RGS7: variants seen among roughly 807,000 people sequenced by gnomAD.
The protein encoded by RGS7 is regulator of G-protein signaling 7.
A neutral mutation model predicts 81.1 loss-of-function variants in RGS7; 27 were observed. That is an observed-to-expected ratio of 0.33 (90% CI 0.25 to 0.46). RGS7 has a LOEUF of 0.46. Ranked by LOEUF, RGS7 falls within the 20% of genes least tolerant of loss-of-function variation. The probability of loss-of-function intolerance (pLI) is 1.00; values close to 1 mark genes in which losing one functional copy is unlikely to be tolerated. For missense variants in RGS7, 396 were observed against 607.4 expected, an observed-to-expected ratio of 0.65 and a Z score of 3.66; for synonymous variants, 208 against 207.7, an observed-to-expected ratio of 1.00 and a Z score of -0.01.
At chr1:241,230,267 G>A (rs2075575422) in intron 2 of RGS7, among the ~76,000 whole-genome samples, 1 of 152,166 alleles carries the variant, frequency 6.6e-6, no homozygotes, top group Admixed American at 6.5e-5. Flanking sequence ...AGGCTGAAGT[G>A]CAGTGGTGTG....
At chr1:241,210,396 C>T (rs1021215701) in intron 2 of RGS7, among the ~76,000 whole-genome samples, 7 of 152,172 alleles carry the variant, frequency 4.6e-5, no homozygotes, top group African/African-American at 7.2e-5. Context: ...GATCCACCCA[C>T]CTCGGCCTCC....
At chr1:241,192,207 T>TGTGTGTGTGTGTG (rs2072725912) in intron 2 of RGS7, among the ~76,000 whole-genome samples, 15 of 144,388 alleles carry the variant, frequency 1.0e-4, no homozygotes, top group Admixed American at 1.4e-4. Context: ...TGTGTGTGTG[T>TGTGTGTGTGTGTG]TTTGCTTTGA....
rs910906240 is a variant in RGS7, at chr1:241,092,798, T to C, written c.175+5868A>G. ...ATTTATTCCTTACCTGCCTTCAAAA[T>C]ATGATTTGAAGCAATTTACAATATA... On this transcript the variant is annotated intron_variant, in intron 3 of 18. Transcript: ENST00000440928. 3.3e-5 allele frequency among the ~76,000 whole-genome samples: 5 copies of C among 151,546 alleles called. No homozygotes were observed. The South Asian group carries it at 8.3e-4, about 25-fold the overall frequency.
intron 3 of RGS7, 140 bp downstream of exon 3, chr1:241,098,526 A>T (rs891740407): frequency 1.4e-6 from 1 of 696,734 alleles, no homozygotes; most frequent in Admixed American, 2.2e-5. Flanking sequence ...TCACATGATA[A>T]ATATACCACA....
At chr1:240,816,976 C>T (rs1690907794) in intron 10 of RGS7, among the ~76,000 whole-genome samples, 1 of 152,296 alleles carries the variant, frequency 6.6e-6, no homozygotes. Context: ...CTAGCCTTGC[C>T]ATTGGGTGCC....
intron 3 of RGS7, among the ~76,000 whole-genome samples, chr1:241,055,866 A>G (rs2061453227): frequency 6.6e-6 from 1 of 152,212 alleles, no homozygotes; most frequent in African/African-American, 2.4e-5. Context: ...TTGCATACAA[A>G]AAGACACTTG....
rs199741667 is a variant in RGS7, at chr1:240,806,345, C to T, written c.1083-19G>A. The stretch of plus-strand genomic sequence containing the variant: ...CCAGAATCTATGCAGAATGTGAGAT[C>T]GGGTGTTTACTCTGATGGCCCATCA... On this transcript the variant is annotated intron_variant, in intron 14 of 18. Transcript: ENST00000440928. 31 of 1,611,960 alleles carry T rather than the reference C, an allele frequency of 1.9e-5. No individual in the cohort carries two copies. The highest frequency in any genetic ancestry group is 4.5e-5 in the East Asian group (2 of 44,854).
At chr1:241,112,072 T>A (rs188928051) in intron 2 of RGS7, among the ~76,000 whole-genome samples, 2 of 152,268 alleles carry the variant, frequency 1.3e-5, no homozygotes, top group African/African-American at 2.4e-5. Context: ...AATATTCTTA[T>A]GAAACCTGGG....
intron 10 of RGS7, 111 bp downstream of exon 10, chr1:240,826,987 G>T: frequency 2.2e-6 from 2 of 895,264 alleles, no homozygotes. Flanking sequence ...TGGAAGGCTG[G>T]GAAGAGTGGG....
intron 4 of RGS7, among the ~76,000 whole-genome samples, chr1:240,961,260 A>G (rs261855): frequency 1 from 152,009 of 152,252 alleles, 75,886 homozygotes; most frequent in Middle Eastern, 1. Context: ...GTAGAAAAAC[A>G]TACTATAACA....
chr1:240,910,796 C>T (rs1671622592), intron 6 of RGS7, among the ~76,000 whole-genome samples: 1 of 152,096 alleles, frequency 6.6e-6, no homozygotes, highest in Non-Finnish European at 1.5e-5. Context: ...CAGCTCACTG[C>T]AACCTCCGCC....
At chr1:241,347,564 CA>C (rs1478330011) in intron 2 of RGS7, among the ~76,000 whole-genome samples, 4 of 152,122 alleles carry the variant, frequency 2.6e-5, no homozygotes, top group African/African-American at 9.7e-5. Context: ...GGTTTTTGCT[CA>C]GTCTTGTTAG....
chr1:241,234,217 G>A (rs969179246), intron 2 of RGS7, among the ~76,000 whole-genome samples: 3 of 152,148 alleles, frequency 2.0e-5, no homozygotes, highest in Non-Finnish European at 4.4e-5. Flanking sequence ...CTACTTACAT[G>A]TTCATCTTGA....
intron 14 of RGS7, among the ~76,000 whole-genome samples, chr1:240,811,596 G>A (rs1689866467): frequency 6.6e-6 from 1 of 152,194 alleles, no homozygotes; most frequent in Non-Finnish European, 1.5e-5. Flanking sequence ...CTTCATAAAT[G>A]TTATTGGCCA....
At chr1:240,814,820 T>A in intron 11 of RGS7, 43 bp from the exon 12 acceptor site, 2 of 1,195,202 alleles carry the variant, frequency 1.7e-6, no homozygotes, top group African/African-American at 1.5e-5. Flanking sequence ...GTAATGACAT[T>A]TTCACAATTT....
At chr1:240,998,843 C>A (rs759948846) in intron 3 of RGS7, 71 of 540,338 alleles carry the variant, frequency 1.3e-4, no homozygotes, top group Non-Finnish European at 2.3e-4. Flanking sequence ...ATGGACCGAG[C>A]ACCTTGGTGG....
intron 2 of RGS7, among the ~76,000 whole-genome samples, chr1:241,207,111 G>GGC (rs1161947238): frequency 3.3e-5 from 5 of 151,244 alleles, no homozygotes; most frequent in African/African-American, 1.2e-4. Context: ...TGGGACTACA[G>GGC]GTGCCCACCA....
chr1:240,808,035 CAAAAA>C (rs34236519), intron 14 of RGS7, among the ~76,000 whole-genome samples: 78 of 66,594 alleles, frequency 1.2e-3, no homozygotes, highest in Non-Finnish European at 2.0e-3. Context: ...AACTTCATCT[CAAAAA>C]AAAAAAAAAA....
intron 2 of RGS7, among the ~76,000 whole-genome samples, chr1:241,338,855 T>C (rs1218807118): frequency 6.6e-6 from 1 of 152,110 alleles, no homozygotes; most frequent in Non-Finnish European, 1.5e-5. Context: ...ACTGATTCCT[T>C]ATCCCCAGCC....
Sources: allele counts gnomAD v4.1 joint callset (sites outside exome capture counted in the v4.1 genomes callset), GRCh38; gene constraint gnomAD v4.1.1; transcripts MANE v1.5; gene names NCBI Gene and HGNC (gene_info 2026-07-23, HGNC 2026-07-21).